LRTM2: variants seen among roughly 807,000 people sequenced by gnomAD.
The protein encoded by LRTM2 is leucine rich repeat transmembrane protein 2.
A neutral mutation model predicts 28.1 loss-of-function variants in LRTM2; 18 were observed. The ratio of observed to expected loss-of-function variants is 0.64; its 90% CI spans 0.44 to 0.95. LRTM2 has a LOEUF of 0.95. Ranked by LOEUF, LRTM2 falls within the 40% of genes least tolerant of loss-of-function variation. The pLI, the probability that LRTM2 is intolerant of heterozygous loss-of-function variation, is 0.00. For missense variants in LRTM2, 436 were observed against 497.2 expected, an observed-to-expected ratio of 0.88 and a Z score of 1.17; for synonymous variants, 250 against 218.7, an observed-to-expected ratio of 1.14 and a Z score of -1.26.
chr12:1,821,425 G>T (rs1864095278), intron 1 of LRTM2, among the ~76,000 whole-genome samples: 1 of 152,226 alleles, frequency 6.6e-6, no homozygotes, highest in Non-Finnish European at 1.5e-5. Context: ...AGCTGTGCAT[G>T]AAGCCTCCCT....
intron 1 of LRTM2, among the ~76,000 whole-genome samples, chr12:1,823,604 T>C (rs1282286088): frequency 6.8e-6 from 1 of 147,502 alleles, no homozygotes; most frequent in East Asian, 2.0e-4. Flanking sequence ...TCCGGCCTAC[T>C]CCCCTCACCT....
At position 1,834,264 on chromosome 12, in the gene LRTM2, T is replaced by C. The variant is rs1197742097; in HGVS notation, c.659-3T>C. ...AGCCCCTCTTTTTCTCTTCTGCATG[T>C]AGGGGGACGCTTGGACCAGCTTGCC... On this transcript the variant is annotated splice_polypyrimidine_tract_variant and splice_region_variant and intron_variant, in intron 4 of 4. Coordinates refer to ENST00000299194, the MANE Select transcript of LRTM2 (RefSeq NM_001039029.3). This position sits in a 1 kb window ranked among gnomAD's most constrained non-coding sequence, Gnocchi z 7.6. 3.8e-6 allele frequency: 6 copies of C among 1,558,968 alleles called. No individual in the cohort carries two copies. The highest frequency in any genetic ancestry group is 1.8e-5 in the Admixed American group (1 of 54,644).
Position 1,831,155 on chromosome 12 carries a change from G to A in LRTM2, c.288G>A (p.Arg96=), listed in dbSNP as rs758682455. 4 of 1,613,994 alleles carry A rather than the reference G, an allele frequency of 2.5e-6. No individual in the cohort carries two copies. Among genetic ancestry groups the A allele is most frequent in the South Asian group, 2.2e-5 (2 of 91,086 alleles). Residue 96 remains arginine (R), a synonymous_variant, in exon 4 of 5, where the codon CGG becomes CGA. Coordinates refer to ENST00000299194, the MANE Select transcript of LRTM2 (RefSeq NM_001039029.3). ...WAFANLSSLQ[R]LDLSNNFLDR... is the part of the protein sequence containing the mutation. Reference sequence around the variant, plus strand: ...TCGCCAACCTCTCCAGCCTGCAGCGGTTGGACCTGTCCAACAACTTCCTGG... The same window carrying A: ...TCGCCAACCTCTCCAGCCTGCAGCGATTGGACCTGTCCAACAACTTCCTGG...
Position 1,834,510 on chromosome 12 carries a change from C to T in LRTM2, c.902C>T (p.Pro301Leu), listed in dbSNP as rs746522868. 1.1e-5 allele frequency: 18 copies of T among 1,606,650 alleles called. No individual in the cohort carries two copies. The highest frequency in any genetic ancestry group is 3.3e-4 in the Middle Eastern group (2 of 6,084). Residue 301 changes from proline (P) to leucine (L), a missense_variant, in exon 5 of 5, where the codon CCG becomes CTG. Coordinates refer to ENST00000299194, the MANE Select transcript of LRTM2 (RefSeq NM_001039029.3). The surrounding 1 kb of genome is among the most constrained non-coding windows in gnomAD (Gnocchi z 7.6). ...TACPQKQRHR[P>L]ASVRRAMGTV... The stretch of plus-strand genomic sequence containing the variant: ...TGCCCACAGAAGCAGAGGCACCGGC[C>T]GGCGAGCGTGAGGCGAGCCATGGGC...
rs1864751637 is a variant in LRTM2 at position 1,834,230 on chromosome 12, T to C, written c.659-37T>C. 1.3e-6 allele frequency: 2 copies of C among 1,521,680 alleles called. No homozygotes were observed. Among genetic ancestry groups the C allele is most frequent in the African/African-American group, 2.8e-5 (2 of 72,314 alleles). 94.3% of individuals were successfully genotyped at this position (1,521,680 alleles called of 1,614,324 possible). On this transcript the variant is annotated intron_variant, in intron 4 of 4. Coordinates refer to ENST00000299194, the MANE Select transcript of LRTM2 (RefSeq NM_001039029.3). This position sits in a 1 kb window ranked among gnomAD's most constrained non-coding sequence, Gnocchi z 7.6. Reference sequence around the variant, plus strand: ...GGGGAGAGGGAGTGCAAGTTCTAGATGCCTGGTCAGCCCCTCTTTTTCTCT... The same window carrying C: ...GGGGAGAGGGAGTGCAAGTTCTAGACGCCTGGTCAGCCCCTCTTTTTCTCT...
rs145899509 is a variant in LRTM2, at chr12:1,822,960, G to T, written c.-259+2146G>T. On this transcript the variant is annotated intron_variant, in intron 1 of 4. Coordinates refer to ENST00000299194, the MANE Select transcript of LRTM2 (RefSeq NM_001039029.3). ...TTGGTGGAAGGGCACGGCCCCTGCA[G>T]GCCCAGGGTGTGGGCCCAGTCGTGG... 1.5e-3 allele frequency among the ~76,000 whole-genome samples: 232 copies of T among 152,348 alleles called. 1 individual carries two copies. Among genetic ancestry groups the T allele is most frequent in the African/African-American group, 5.3e-3 (220 of 41,584 alleles).
In LRTM2 at chr12:1,834,330, T is replaced by C. The variant is rs1381023205; in HGVS notation, c.722T>C (p.Met241Thr). 3 of 1,611,654 alleles carry C rather than the reference T, an allele frequency of 1.9e-6. No individual in the cohort carries two copies. Among genetic ancestry groups the C allele is most frequent in the African/African-American group, 2.7e-5 (2 of 74,892 alleles). Residue 241 changes from methionine to threonine, a missense_variant, in exon 5 of 5, where the codon ATG (methionine) becomes ACG (threonine). Met to Thr is a moderately conservative substitution (Grantham distance 81). Transcript: ENST00000299194. This position sits in a 1 kb window ranked among gnomAD's most constrained non-coding sequence, Gnocchi z 7.6. ...GAGCTGAGGGGGAAGGACATGCGGA[T>C]GGTCCCCATGGAGATGTTCAACTAC... ...PKELRGKDMR[M>T]VPMEMFNYCS...
chr12:1,824,553 G>T (rs149549374), intron 1 of LRTM2, among the ~76,000 whole-genome samples: 1 of 152,218 alleles, frequency 6.6e-6, no homozygotes, highest in Non-Finnish European at 1.5e-5. Flanking sequence ...GACTGGGTTA[G>T]GAGCAGGCCC....
Position 1,834,960 on chromosome 12 carries a change from TG to T in LRTM2, c.*244del, listed in dbSNP as rs902467030. On this transcript the variant is annotated 3_prime_UTR_variant, in exon 5 of 5. Coordinates refer to ENST00000299194, the MANE Select transcript of LRTM2 (RefSeq NM_001039029.3). The surrounding 1 kb of genome is among the most constrained non-coding windows in gnomAD (Gnocchi z 7.6). The stretch of plus-strand genomic sequence containing the variant: ...TGGGCCAGTAAATCTTTGGAACATG[TG>T]GGGGATCTCCCTAAGCTCTGGCCAC... 2 of 693,846 alleles carry T rather than the reference TG, an allele frequency of 2.9e-6. No homozygotes were observed. Among genetic ancestry groups the T allele is most frequent in the Non-Finnish European group, 4.6e-6 (2 of 438,960 alleles). The allele number at this position is 693,846 out of a possible 1,614,324, so 43.0% of individuals were successfully genotyped here.
chr12:1,826,817 G>T (rs11611941), intron 1 of LRTM2, among the ~76,000 whole-genome samples: 1 of 152,170 alleles, frequency 6.6e-6, no homozygotes, highest in Non-Finnish European at 1.5e-5. Flanking sequence ...GGGGCAACAG[G>T]GTTTGCAGCA....
In LRTM2 at chr12:1,834,711, C is replaced by G; in HGVS notation, c.1103C>G (p.Ser368Cys). Reference protein sequence around the residue: ...GEHEDQKQISSVA With the variant: ...GEHEDQKQISCVA ...CACGAGGACCAGAAGCAGATCTCTT[C>G]TGTGGCCTGAGCGCCCATCCCCACC... The change falls in exon 5 of 5, where the codon TCT becomes TGT. Residue 368 changes from serine (S) to cysteine (C), a missense_variant. Transcript: ENST00000299194. The surrounding 1 kb of genome is among the most constrained non-coding windows in gnomAD (Gnocchi z 7.6). 6.3e-7 allele frequency: 1 copy of G among 1,592,530 alleles called. No homozygotes were observed. The highest frequency in any genetic ancestry group is 8.5e-7 in the Non-Finnish European group (1 of 1,172,386).
At position 1,834,909 on chromosome 12, in the gene LRTM2, T is replaced by C; in HGVS notation, c.*188T>C. 1 of 1,097,840 alleles carries C rather than the reference T, an allele frequency of 9.1e-7. No homozygotes were observed. The highest frequency in any genetic ancestry group is 1.3e-6 in the Non-Finnish European group (1 of 796,724). 68.0% of individuals were successfully genotyped at this position (1,097,840 alleles called of 1,614,324 possible). On this transcript the variant is annotated 3_prime_UTR_variant, in exon 5 of 5. Transcript: ENST00000299194. The surrounding 1 kb of genome is among the most constrained non-coding windows in gnomAD (Gnocchi z 7.6). ...CGAGGCTCCCTGAAAGCCACCGTGC[T>C]GGGGGCTCCTGCTGATGCTCCTGTC...
At chr12:1,826,486 C>T (rs753571739) in intron 1 of LRTM2, among the ~76,000 whole-genome samples, 15 of 150,290 alleles carry the variant, frequency 1.0e-4, no homozygotes, top group East Asian at 2.0e-4. Context: ...GACAGCACCA[C>T]GCTCAGGGGC....
chr12:1,826,316 T>C (rs1864313547), intron 1 of LRTM2, among the ~76,000 whole-genome samples: 1 of 151,454 alleles, frequency 6.6e-6, no homozygotes, highest in Non-Finnish European at 1.5e-5. Flanking sequence ...GGTATTGCGG[T>C]CACCATTTCT....
chr12:1,827,189 C>A (rs1472281780), intron 1 of LRTM2, among the ~76,000 whole-genome samples: 1 of 152,232 alleles, frequency 6.6e-6, no homozygotes, highest in African/African-American at 2.4e-5. Flanking sequence ...CCCTGTCCCC[C>A]TCTCTGATGG....
At position 1,834,743 on chromosome 12, in the gene LRTM2, G is replaced by A. The variant is rs1423744851; in HGVS notation, c.*22G>A. On this transcript the variant is annotated 3_prime_UTR_variant, in exon 5 of 5. Coordinates refer to ENST00000299194, the MANE Select transcript of LRTM2 (RefSeq NM_001039029.3). The surrounding 1 kb of genome is among the most constrained non-coding windows in gnomAD (Gnocchi z 7.6). ...CTGAGCGCCCATCCCCACCCGGCCA[G>A]GTAGGAAGGGCGGGGAGAGCACACG... 8 of 1,565,686 alleles carry A rather than the reference G, an allele frequency of 5.1e-6. No individual in the cohort carries two copies. Among genetic ancestry groups the A allele is most frequent in the Non-Finnish European group, 6.0e-6 (7 of 1,158,016 alleles).
Position 1,835,598 on chromosome 12 carries a change from A to T in LRTM2, c.*877A>T, listed in dbSNP as rs1864824823. The T allele has an allele frequency of 6.6e-6, 1 of 152,626 alleles. No individual in the cohort carries two copies. The highest frequency in any genetic ancestry group is 2.4e-5 in the African/African-American group (1 of 41,416). 9.5% of individuals were successfully genotyped at this position (152,626 alleles called of 1,614,324 possible). On this transcript the variant is annotated 3_prime_UTR_variant, in exon 5 of 5. Transcript: ENST00000299194. ...AAGGAACTCAACCAGTAACACCAGG[A>T]TCCTTTGAGATCCTCTAAAGTGGGC...
chr12:1,836,211 G>C lies in LRTM2; in HGVS notation c.*1490G>C, dbSNP rs1011512818. 1 of 152,634 alleles carries C rather than the reference G, an allele frequency of 6.6e-6. No homozygotes were observed. Among genetic ancestry groups the C allele is most frequent in the African/African-American group, 2.4e-5 (1 of 41,466 alleles). 9.5% of individuals were successfully genotyped at this position (152,634 alleles called of 1,614,324 possible). The stretch of plus-strand genomic sequence containing the variant: ...CTGCCAAGGCAGTGCAAGTTTTCCA[G>C]GTTACCTGTCCCCCTCCCTAGCTCT... On this transcript the variant is annotated 3_prime_UTR_variant, in exon 5 of 5. Transcript: ENST00000299194.
chr12:1,828,140 G>A lies in LRTM2; in HGVS notation c.-9G>A. The A allele has an allele frequency of 2.6e-6, 4 of 1,536,966 alleles. No individual in the cohort carries two copies. Among genetic ancestry groups the A allele is most frequent in the Non-Finnish European group, 3.5e-6 (4 of 1,140,458 alleles). The stretch of plus-strand genomic sequence containing the variant: ...GAGCGACAGGGCCCGGAGAGCCGTG[G>A]GCCTCACCATGCTGGCGCCGGGCAG... On this transcript the variant is annotated 5_prime_UTR_variant, in exon 3 of 5. Transcript: ENST00000299194. This position sits in a 1 kb window ranked among gnomAD's most constrained non-coding sequence, Gnocchi z 4.2.
Sources: allele counts gnomAD v4.1 joint callset (sites outside exome capture counted in the v4.1 genomes callset), GRCh38; gene constraint gnomAD v4.1.1; non-coding constraint Gnocchi (gnomAD v3.1); transcripts MANE v1.5; gene names NCBI Gene and HGNC (gene_info 2026-07-23, HGNC 2026-07-21).